Variants in GBE1 observed in about 807,000 individuals in gnomAD.
The protein encoded by GBE1 is 1,4-alpha-glucan branching enzyme 1.
GBE1 carries 70 observed loss-of-function variants against 88.8 expected under a neutral mutation model. The observed-to-expected ratio is 0.79, with a 90% CI of 0.65 to 0.96. The LOEUF (loss-of-function observed/expected upper bound fraction) is 0.96. GBE1 is among the 40% of genes least tolerant of loss of function. The pLI is 0.00. For missense variants in GBE1, 872 were observed against 871.0 expected, an observed-to-expected ratio of 1.00 and a Z score of -0.01; for synonymous variants, 284 against 300.1, an observed-to-expected ratio of 0.95 and a Z score of 0.56.
intron 3 of GBE1, among the ~76,000 whole-genome samples, chr3:81,663,205 G>A (rs2107100901): frequency 6.6e-6 from 1 of 152,276 alleles, no homozygotes; most frequent in East Asian, 1.9e-4. Context: ...TGCCCTTCCA[G>A]CCGAAATGTT....
intron 3 of GBE1, among the ~76,000 whole-genome samples, chr3:81,662,135 C>A (rs1037144108): frequency 6.6e-6 from 1 of 152,112 alleles, no homozygotes; most frequent in African/African-American, 2.4e-5. Context: ...CGGGTTCAAG[C>A]GATTCTCCTG....
At chr3:81,491,554 T>G (rs982625048) in intron 15 of GBE1, among the ~76,000 whole-genome samples, 1 of 152,218 alleles carries the variant, frequency 6.6e-6, no homozygotes, top group African/African-American at 2.4e-5. Context: ...AACTGCTTAA[T>G]GCTTATTTAT....
chr3:81,538,016 T>G (rs1210595628), intron 12 of GBE1, among the ~76,000 whole-genome samples: 17 of 152,006 alleles, frequency 1.1e-4, no homozygotes, highest in Admixed American at 1.1e-3. Context: ...GTTCAATTTC[T>G]ACTTTAAGCC....
chr3:81,674,945 C>G (rs1320757754), intron 2 of GBE1, among the ~76,000 whole-genome samples: 1 of 152,088 alleles, frequency 6.6e-6, no homozygotes, highest in South Asian at 2.1e-4. Flanking sequence ...AGAAAGGTCT[C>G]TATCTAGGTC....
chr3:81,512,525 T>C (rs937503686), intron 14 of GBE1, among the ~76,000 whole-genome samples: 1 of 151,652 alleles, frequency 6.6e-6, no homozygotes, highest in East Asian at 1.9e-4. Context: ...CAAATATAAA[T>C]AGAGAAAAAA....
chr3:81,535,298 T>G lies in GBE1; in HGVS notation c.1831A>C (p.Asn611His), dbSNP rs2106869674. Residue 611 changes from asparagine to histidine, a missense_variant, in exon 14 of 16, where the codon AAT becomes CAT. Physicochemically the swap from Asn to His is moderately conservative, Grantham distance 68. Coordinates refer to ENST00000429644, the MANE Select transcript of GBE1 (RefSeq NM_000158.4). Reference sequence around the variant, plus strand: ...GCTCTTTCAAAAGCAATGATCTTATTGCCTTCATGTTTTTCACTCACGTAG... The same window carrying G: ...GCTCTTTCAAAAGCAATGATCTTATGGCCTTCATGTTTTTCACTCACGTAG... ...QAYVSEKHEG[N>H]KIIAFERAGL... The G allele has an allele frequency of 6.2e-7, 1 of 1,610,352 alleles. No individual in the cohort carries two copies. The highest frequency in any genetic ancestry group is 1.3e-5 in the African/African-American group (1 of 74,862).
intron 9 of GBE1, among the ~76,000 whole-genome samples, chr3:81,588,560 AT>A (rs1217610112): frequency 6.6e-6 from 1 of 151,490 alleles, no homozygotes; most frequent in East Asian, 2.0e-4. Flanking sequence ...CCATAGACAT[AT>A]TTTTTTGGAT....
chr3:81,642,697 C>T (rs936256247), intron 7 of GBE1, 84 bp downstream of exon 7: 4 of 866,726 alleles, frequency 4.6e-6, no homozygotes, highest in Non-Finnish European at 7.6e-6. Flanking sequence ...TGAGAGAGTA[C>T]ACACACAATG....
At chr3:81,688,986 C>T (rs1705481472) in intron 2 of GBE1, among the ~76,000 whole-genome samples, 1 of 152,018 alleles carries the variant, frequency 6.6e-6, no homozygotes. Flanking sequence ...TAAAAATTCA[C>T]AAAATGCCAA....
chr3:81,640,819 G>GA (rs935200827), intron 7 of GBE1, among the ~76,000 whole-genome samples: 9 of 150,678 alleles, frequency 6.0e-5, no homozygotes, highest in East Asian at 2.0e-4. Context: ...TATGACAGCA[G>GA]AAAAAAAACA....
At chr3:81,699,997 TAG>T (rs1705663836) in intron 2 of GBE1, among the ~76,000 whole-genome samples, 1 of 152,248 alleles carries the variant, frequency 6.6e-6, no homozygotes, top group African/African-American at 2.4e-5. Flanking sequence ...AGAGCCATCC[TAG>T]AGTTTCTTCA....
chr3:81,748,446 C>A (rs995335815), intron 1 of GBE1, among the ~76,000 whole-genome samples: 1 of 151,948 alleles, frequency 6.6e-6, no homozygotes, highest in Non-Finnish European at 1.5e-5. Flanking sequence ...CCCGTCTCTA[C>A]TAAAAATACA....
intron 1 of GBE1, among the ~76,000 whole-genome samples, chr3:81,749,592 A>G (rs1467860508): frequency 6.6e-6 from 1 of 152,238 alleles, no homozygotes; most frequent in Non-Finnish European, 1.5e-5. Context: ...ATAGAAGTGT[A>G]GACACACACA....
At chr3:81,493,609 C>G (rs1033009322) in intron 15 of GBE1, among the ~76,000 whole-genome samples, 2 of 151,354 alleles carry the variant, frequency 1.3e-5, no homozygotes, top group African/African-American at 2.4e-5. Context: ...CTTGGCTCAC[C>G]GCAGCCTCTG....
At chr3:81,676,803 A>G (rs1470462935) in intron 2 of GBE1, among the ~76,000 whole-genome samples, 1 of 152,170 alleles carries the variant, frequency 6.6e-6, no homozygotes, top group East Asian at 1.9e-4. Flanking sequence ...ATATCTGATA[A>G]GGCATAAGAT....
chr3:81,658,731 T>C (rs1440977310), intron 3 of GBE1, among the ~76,000 whole-genome samples: 1 of 152,204 alleles, frequency 6.6e-6, no homozygotes, highest in Non-Finnish European at 1.5e-5. Context: ...GATAAAGTGT[T>C]TGCTTCATTT....
At chr3:81,566,872 C>T (rs2106917626) in intron 12 of GBE1, among the ~76,000 whole-genome samples, 1 of 152,236 alleles carries the variant, frequency 6.6e-6, no homozygotes, top group South Asian at 2.1e-4. Flanking sequence ...CAGCCCCTTT[C>T]CCTTCTATGT....
chr3:81,707,768 C>T lies in GBE1; in HGVS notation c.144-2155G>A, dbSNP rs144134189. Among the ~76,000 whole-genome samples the T allele has an allele frequency of 5.6e-3, 850 of 152,018 alleles. 4 individuals are homozygous for T. The highest frequency in any genetic ancestry group is 0.01 in the Admixed American group (158 of 15,262). On this transcript the variant is annotated intron_variant, in intron 1 of 15. Transcript: ENST00000429644. The stretch of plus-strand genomic sequence containing the variant: ...TATTTAAGGTAAAGAAATTTGTATA[C>T]GAATTCCAATAATTTCTTCTTTCCA...
chr3:81,605,509 A>C (rs1704091495), intron 7 of GBE1, among the ~76,000 whole-genome samples: 1 of 152,188 alleles, frequency 6.6e-6, no homozygotes, highest in Non-Finnish European at 1.5e-5. Flanking sequence ...TATTTATGAC[A>C]GTCAATTTGA....
Sources: gnomAD v4.1 joint callset for allele counts (sites outside exome capture counted in the v4.1 genomes callset) on GRCh38, gnomAD v4.1.1 for gene constraint, MANE v1.5 for transcripts, NCBI Gene and HGNC (gene_info 2026-07-23, HGNC 2026-07-21) for gene names.